Variants in TMEM244 observed in about 807,000 individuals in gnomAD.
TMEM244 encodes the protein transmembrane protein 244.
TMEM244 carries 13 observed loss-of-function variants against 15.8 expected under a neutral mutation model. The observed-to-expected ratio is 0.82, with a 90% CI of 0.53 to 1.30. The LOEUF (loss-of-function observed/expected upper bound fraction) is 1.30. Among genes scored for constraint, TMEM244 ranks in the 50% most tolerant of loss-of-function variants. TMEM244 has a pLI of 0.00. For synonymous variants in TMEM244, 45 were observed against 48.7 expected (o/e 0.92, Z 0.32); for missense variants, 161 against 144.9 (o/e 1.11, Z -0.57).
intron 1 of TMEM244, among the ~76,000 whole-genome samples, chr6:129,859,125 C>T (rs1394559667): frequency 6.6e-6 from 1 of 152,136 alleles, no homozygotes; most frequent in African/African-American, 2.4e-5. Flanking sequence ...AGTATGTGGA[C>T]TCTAAGTCAG....
At chr6:129,831,752 C>T (rs1776331440) in intron 4 of TMEM244, among the ~76,000 whole-genome samples, 1 of 152,196 alleles carries the variant, frequency 6.6e-6, no homozygotes, top group Admixed American at 6.5e-5. Context: ...TTAACATTTT[C>T]TAAGTGCCAC....
At chr6:129,835,684 A>G (rs1776394797) in intron 3 of TMEM244, among the ~76,000 whole-genome samples, 1 of 152,106 alleles carries the variant, frequency 6.6e-6, no homozygotes, top group Non-Finnish European at 1.5e-5. Flanking sequence ...ATGTGGAGAA[A>G]CAGTGCACTC....
In TMEM244 at chr6:129,843,598, T is replaced by C; in HGVS notation, c.125A>G (p.His42Arg). ...AAATGGAGCCAGGACATTCAACTCA[T>C]GCACCCTAAAGATGTTATAAGTGAA... Reference protein sequence around the residue: ...LSMGCVMFEVHELNVLAPFDF... With the variant: ...LSMGCVMFEVRELNVLAPFDF... The change falls in exon 3 of 5, where the codon CAT becomes CGT. Residue 42 changes from histidine to arginine, a missense_variant. His to Arg is a conservative substitution (Grantham distance 29). Transcript: ENST00000368143. 6.2e-7 allele frequency: 1 copy of C among 1,611,092 alleles called. No individual in the cohort carries two copies. Among genetic ancestry groups the C allele is most frequent in the African/African-American group, 1.3e-5 (1 of 74,954 alleles).
chr6:129,833,804 TTC>T (rs1425470148), intron 3 of TMEM244, among the ~76,000 whole-genome samples: 3 of 134,666 alleles, frequency 2.2e-5, no homozygotes, highest in Non-Finnish European at 4.8e-5. Context: ...AATATATCAT[TTC>T]TGTTTCACAT....
At position 129,845,827 on chromosome 6, in the gene TMEM244, CAT is replaced by C; in HGVS notation, c.57_58del (p.Val21HisfsTer19). The C allele has an allele frequency of 6.2e-7, 1 of 1,613,038 alleles. No individual in the cohort carries two copies. Among genetic ancestry groups the C allele is most frequent in the African/African-American group, 1.3e-5 (1 of 75,002 alleles). On this transcript the variant is annotated frameshift_variant, in exon 2 of 5. Coordinates refer to ENST00000368143, the MANE Select transcript of TMEM244 (RefSeq NM_001010876.2). LOFTEE classifies it high-confidence loss of function. ...GTACACAGTGTAGAAAAGAATGACA[CAT>C]AGAAGAAACTTCTGCAAAACAACCT...
intron 2 of TMEM244, among the ~76,000 whole-genome samples, chr6:129,845,502 G>A (rs182625647): frequency 1.3e-5 from 2 of 152,238 alleles, no homozygotes; most frequent in African/African-American, 4.8e-5. Context: ...AAGTAGGCTG[G>A]ATGCAGGGGC....
chr6:129,832,732 G>A lies in TMEM244; in HGVS notation c.319+728C>T, dbSNP rs190399416. Among the ~76,000 whole-genome samples, 248 of 152,266 alleles carry A rather than the reference G, an allele frequency of 1.6e-3. 4 individuals are homozygous for A. The highest frequency in any genetic ancestry group is 0.015 in the Admixed American group (232 of 15,294). On this transcript the variant is annotated intron_variant, in intron 4 of 4. Coordinates refer to ENST00000368143, the MANE Select transcript of TMEM244 (RefSeq NM_001010876.2). ...AGAGAAGGAAACTAATGTAAGAGATGTGACTTGTCCACAACTACCCACCTA... is the reference window on the plus strand; with the variant it reads ...AGAGAAGGAAACTAATGTAAGAGATATGACTTGTCCACAACTACCCACCTA...
intron 2 of TMEM244, 151 bp from the exon 3 acceptor site, chr6:129,843,754 G>A (rs181315686): frequency 5.1e-4 from 274 of 540,572 alleles, no homozygotes; most frequent in Admixed American, 3.3e-3. Context: ...GAATGTGAAG[G>A]AATCAGCAAT....
chr6:129,842,168 T>C (rs1776500392), intron 3 of TMEM244, among the ~76,000 whole-genome samples: 1 of 152,162 alleles, frequency 6.6e-6, no homozygotes, highest in South Asian at 2.1e-4. Context: ...GATATTGCCC[T>C]TTCTTTATTG....
At chr6:129,848,400 A>T (rs878613) in intron 1 of TMEM244, among the ~76,000 whole-genome samples, 1 of 152,040 alleles carries the variant, frequency 6.6e-6, no homozygotes, top group East Asian at 1.9e-4. Context: ...AAGGGTTTTA[A>T]CATGTCAGGT....
intron 2 of TMEM244, among the ~76,000 whole-genome samples, 157 bp from the exon 3 acceptor site, chr6:129,843,760 G>T (rs1776523951): frequency 6.6e-6 from 1 of 152,196 alleles, no homozygotes; most frequent in Non-Finnish European, 1.5e-5. Flanking sequence ...GAAGGAATCA[G>T]CAATGAAGAT....
intron 1 of TMEM244, among the ~76,000 whole-genome samples, chr6:129,848,276 C>G (rs868413082): frequency 6.6e-6 from 1 of 152,320 alleles, no homozygotes; most frequent in Middle Eastern, 3.4e-3. Context: ...CCACAGCTGT[C>G]TTTTATCAGA....
chr6:129,836,212 A>G (rs4512240), intron 3 of TMEM244, among the ~76,000 whole-genome samples: 11,513 of 152,242 alleles, frequency 0.076, 672 homozygotes, highest in South Asian at 0.21. Context: ...CGAAGCTTCC[A>G]GAGGAAGGAT....
At chr6:129,837,390 C>T (rs536538105) in intron 3 of TMEM244, among the ~76,000 whole-genome samples, 2 of 152,124 alleles carry the variant, frequency 1.3e-5, no homozygotes, top group Non-Finnish European at 2.9e-5. Flanking sequence ...ATTTTGTCAC[C>T]ACCAGGCCTG....
intron 3 of TMEM244, among the ~76,000 whole-genome samples, chr6:129,842,198 T>A (rs1045376665): frequency 6.6e-6 from 1 of 152,118 alleles, no homozygotes; most frequent in Non-Finnish European, 1.5e-5. Flanking sequence ...AAGACTAGAA[T>A]TAAATAATGA....
intron 1 of TMEM244, among the ~76,000 whole-genome samples, chr6:129,857,840 G>A (rs1776738051): frequency 6.7e-6 from 1 of 148,296 alleles, no homozygotes; most frequent in Non-Finnish European, 1.5e-5. Flanking sequence ...GTATATATAT[G>A]TACATATATA....
intron 2 of TMEM244, among the ~76,000 whole-genome samples, chr6:129,845,246 C>G (rs1021481941): frequency 2.0e-5 from 3 of 152,170 alleles, no homozygotes; most frequent in Non-Finnish European, 4.4e-5. Context: ...TCTTGCCTCC[C>G]AAAAGCTATT....
chr6:129,857,317 T>TATAC (rs1776726725), intron 1 of TMEM244, among the ~76,000 whole-genome samples: 1 of 148,638 alleles, frequency 6.7e-6, no homozygotes, highest in Non-Finnish European at 1.5e-5. Context: ...TATGTGTGTA[T>TATAC]ACACACACAC....
At chr6:129,848,756 A>G (rs1459357393) in intron 1 of TMEM244, among the ~76,000 whole-genome samples, 1 of 152,110 alleles carries the variant, frequency 6.6e-6, no homozygotes, top group Admixed American at 6.5e-5. Flanking sequence ...TTTTTTTAAG[A>G]GTCATGTGTC....
Sources: gnomAD v4.1 joint callset for allele counts (sites outside exome capture counted in the v4.1 genomes callset) on GRCh38, gnomAD v4.1.1 for gene constraint, MANE v1.5 for transcripts, NCBI Gene and HGNC (gene_info 2026-07-23, HGNC 2026-07-21) for gene names.